HS6ST3: variants seen among roughly 807,000 people sequenced by gnomAD.
HS6ST3 encodes heparan sulfate 6-O-sulfotransferase 3.
HS6ST3 carries 12 observed loss-of-function variants against 36.7 expected under a neutral mutation model. That is an observed-to-expected ratio of 0.33 (90% CI 0.21 to 0.53). The LOEUF is 0.53. Among genes scored for constraint, HS6ST3 ranks in the 20% least tolerant of loss-of-function variants. The probability of loss-of-function intolerance (pLI) is 0.95; values close to 1 mark genes in which losing one functional copy is unlikely to be tolerated. For missense variants in HS6ST3, 584 were observed against 640.9 expected (o/e 0.91, Z 0.96); for synonymous variants, 240 against 257.5 (o/e 0.93, Z 0.65).
intron 1 of HS6ST3, among the ~76,000 whole-genome samples, chr13:96,182,519 TGAA>T (rs1055569617): frequency 1.3e-5 from 2 of 152,176 alleles, no homozygotes; most frequent in African/African-American, 4.8e-5. Flanking sequence ...AGAATGTTAA[TGAA>T]GAGGAGTATT....
At position 96,639,526 on chromosome 13, in the gene HS6ST3, T is replaced by A. The variant is rs1167613906; in HGVS notation, c.708-192964T>A. Among the ~76,000 whole-genome samples the A allele has an allele frequency of 3.3e-5, 5 of 151,228 alleles. No individual in the cohort carries two copies. In the East Asian group the frequency reaches 9.8e-4, roughly 30 times the overall value. On this transcript the variant is annotated intron_variant, in intron 1 of 1. Coordinates refer to ENST00000376705, the MANE Select transcript of HS6ST3 (RefSeq NM_153456.4). ...ATCTATTAAACTTTTAAATCTAAAC[T>A]CAAAAGAGATTTAAAAAAAATTTTT...
At chr13:96,364,564 A>G (rs972801654) in intron 1 of HS6ST3, among the ~76,000 whole-genome samples, 1 of 152,174 alleles carries the variant, frequency 6.6e-6, no homozygotes, top group African/African-American at 2.4e-5. Context: ...AGTCAAGTTC[A>G]TAGAGAAAAA....
chr13:96,134,548 T>C (rs2053991941), intron 1 of HS6ST3, among the ~76,000 whole-genome samples: 1 of 152,202 alleles, frequency 6.6e-6, no homozygotes, highest in Admixed American at 6.5e-5. Flanking sequence ...ACTTTACTTT[T>C]ACTAGCTATT....
intron 1 of HS6ST3, among the ~76,000 whole-genome samples, chr13:96,381,060 G>T (rs1023490132): frequency 6.6e-6 from 1 of 152,092 alleles, no homozygotes; most frequent in African/African-American, 2.4e-5. Context: ...AAAAAAGAGA[G>T]GACCTAAACA....
intron 1 of HS6ST3, among the ~76,000 whole-genome samples, chr13:96,231,150 G>A (rs1282514190): frequency 1.3e-5 from 2 of 152,046 alleles, no homozygotes; most frequent in Non-Finnish European, 2.9e-5. Flanking sequence ...GGAGGGATTG[G>A]AGAAGAAAGC....
chr13:96,699,145 C>T (rs1374202683), intron 1 of HS6ST3, among the ~76,000 whole-genome samples: 1 of 152,138 alleles, frequency 6.6e-6, no homozygotes, highest in African/African-American at 2.4e-5. Context: ...ACCATAAAAA[C>T]CCTAGAAGAA....
chr13:96,436,744 G>A (rs1028848210), intron 1 of HS6ST3, among the ~76,000 whole-genome samples: 3 of 152,312 alleles, frequency 2.0e-5, no homozygotes, highest in Admixed American at 6.5e-5. Context: ...CAGAAGAAGA[G>A]CCCTCACCAA....
chr13:96,586,125 C>A (rs1243686096), intron 1 of HS6ST3, among the ~76,000 whole-genome samples: 1 of 151,900 alleles, frequency 6.6e-6, no homozygotes, highest in Non-Finnish European at 1.5e-5. Flanking sequence ...CTTGTTAGGA[C>A]TTTTGCTAGT....
chr13:96,525,234 A>G (rs1178489490), intron 1 of HS6ST3, among the ~76,000 whole-genome samples: 1 of 152,172 alleles, frequency 6.6e-6, no homozygotes, highest in Admixed American at 6.5e-5. Flanking sequence ...CAAATTGCTT[A>G]ATTTCTATTT....
intron 1 of HS6ST3, among the ~76,000 whole-genome samples, chr13:96,744,870 C>T (rs1051910602): frequency 6.6e-6 from 1 of 152,186 alleles, no homozygotes; most frequent in East Asian, 1.9e-4. Context: ...TTTCTACATA[C>T]TTGGGCTGTG....
chr13:96,282,805 A>G (rs1279685917), intron 1 of HS6ST3, among the ~76,000 whole-genome samples: 2 of 152,182 alleles, frequency 1.3e-5, no homozygotes, highest in Admixed American at 6.5e-5. Context: ...CCGAGGCTGC[A>G]TATTTCCTCA....
intron 1 of HS6ST3, among the ~76,000 whole-genome samples, chr13:96,759,922 AT>A (rs1192815598): frequency 6.6e-6 from 1 of 151,964 alleles, no homozygotes; most frequent in African/African-American, 2.4e-5. Flanking sequence ...TTTCAGTTCT[AT>A]TATTAGAGCC....
Position 96,446,139 on chromosome 13 carries a change from C to T in HS6ST3, c.707+354570C>T, listed in dbSNP as rs9584368. On this transcript the variant is annotated intron_variant, in intron 1 of 1. Coordinates refer to ENST00000376705, the MANE Select transcript of HS6ST3 (RefSeq NM_153456.4). Reference sequence around the variant, plus strand: ...AGTGAGCCGAGATCACACCACTGCACTCCAGCCTGGGCGACAGAGCAAGAC... The same window carrying T: ...AGTGAGCCGAGATCACACCACTGCATTCCAGCCTGGGCGACAGAGCAAGAC... Among the ~76,000 whole-genome samples, 1,208 of 151,084 alleles carry T rather than the reference C, an allele frequency of 8.0e-3. 16 individuals are homozygous for T. The highest frequency in any genetic ancestry group is 0.027 in the African/African-American group (1,123 of 41,098).
chr13:96,179,627 G>C (rs144670201), intron 1 of HS6ST3, among the ~76,000 whole-genome samples: 1 of 152,036 alleles, frequency 6.6e-6, no homozygotes, highest in Non-Finnish European at 1.5e-5. Flanking sequence ...GCCAACATGC[G>C]GGAGACTATT....
chr13:96,493,648 A>G (rs1224801679), intron 1 of HS6ST3, among the ~76,000 whole-genome samples: 2 of 152,184 alleles, frequency 1.3e-5, no homozygotes, highest in Non-Finnish European at 2.9e-5. Flanking sequence ...ACTGAACGAC[A>G]TATTCTTACA....
chr13:96,425,436 A>C (rs2139470834), intron 1 of HS6ST3, among the ~76,000 whole-genome samples: 1 of 152,346 alleles, frequency 6.6e-6, no homozygotes, highest in African/African-American at 2.4e-5. Context: ...TATGCAACAA[A>C]GAAGTTCATA....
chr13:96,626,579 T>C (rs2138998219), intron 1 of HS6ST3, among the ~76,000 whole-genome samples: 1 of 152,296 alleles, frequency 6.6e-6, no homozygotes, highest in South Asian at 2.1e-4. Flanking sequence ...TCTTCAATTG[T>C]ACCTTGGTTG....
chr13:96,678,044 G>A (rs1566427546), intron 1 of HS6ST3, among the ~76,000 whole-genome samples: 1 of 152,118 alleles, frequency 6.6e-6, no homozygotes, highest in Non-Finnish European at 1.5e-5. Flanking sequence ...AGGCTGGGAA[G>A]TCCAAGATCA....
chr13:96,299,224 T>G (rs1278583766), intron 1 of HS6ST3, among the ~76,000 whole-genome samples: 1 of 152,198 alleles, frequency 6.6e-6, no homozygotes, highest in Admixed American at 6.6e-5. Context: ...AATGAAAATA[T>G]GGTGACACAA....
Sources: allele counts gnomAD v4.1 joint callset (sites outside exome capture counted in the v4.1 genomes callset), GRCh38; gene constraint gnomAD v4.1.1; transcripts MANE v1.5; gene names NCBI Gene and HGNC (gene_info 2026-07-23, HGNC 2026-07-21).